The following EGFR variants were observed in gnomAD, a reference collection of about 807,000 sequenced individuals.
The protein encoded by EGFR is epidermal growth factor receptor.
In EGFR, 58 loss-of-function variants were observed where a neutral mutation model predicts 143.0. The observed-to-expected ratio is 0.41, with a 90% CI of 0.33 to 0.50. The LOEUF (loss-of-function observed/expected upper bound fraction) is 0.50. Among genes scored for constraint, EGFR ranks in the 20% least tolerant of loss-of-function variants. The pLI is 0.39. For synonymous variants in EGFR, 613 were observed against 594.4 expected, an observed-to-expected ratio of 1.03 and a Z score of -0.45; for missense variants, 1,307 against 1,579.0, an observed-to-expected ratio of 0.83 and a Z score of 2.92.
chr7:55,090,899 C>T (rs1032146740), intron 1 of EGFR, among the ~76,000 whole-genome samples: 74 of 152,276 alleles, frequency 4.9e-4, no homozygotes, highest in African/African-American at 1.7e-3. Context: ...TTGATGGACC[C>T]AACCTATATT....
chr7:55,161,146 G>T (rs1055057732), intron 12 of EGFR, among the ~76,000 whole-genome samples: 1 of 152,238 alleles, frequency 6.6e-6, no homozygotes. Context: ...GGCCGTGGGA[G>T]CACAGAAAAC....
chr7:55,088,748 G>A (rs551135568), intron 1 of EGFR, among the ~76,000 whole-genome samples: 4 of 152,156 alleles, frequency 2.6e-5, no homozygotes, highest in Non-Finnish European at 4.4e-5. Flanking sequence ...GGAATGAAAG[G>A]CCTTCGCAAT....
chr7:55,065,520 C>G (rs186318723), intron 1 of EGFR, among the ~76,000 whole-genome samples: 9 of 152,276 alleles, frequency 5.9e-5, no homozygotes, highest in Non-Finnish European at 1.2e-4. Flanking sequence ...GCTGGAAAGT[C>G]ACTAAAAACT....
intron 1 of EGFR, among the ~76,000 whole-genome samples, chr7:55,094,646 C>A (rs999917043): frequency 6.6e-6 from 1 of 152,206 alleles, no homozygotes; most frequent in Non-Finnish European, 1.5e-5. Context: ...CTTCTCCTTT[C>A]ACATATGCTG....
chr7:55,057,650 T>C (rs1279006112), intron 1 of EGFR, among the ~76,000 whole-genome samples: 1 of 152,212 alleles, frequency 6.6e-6, no homozygotes, highest in African/African-American at 2.4e-5. Context: ...TCTTTCCTTG[T>C]TTTGGTCACA....
intron 4 of EGFR, among the ~76,000 whole-genome samples, chr7:55,150,041 A>G (rs1794950560): frequency 6.6e-6 from 1 of 152,124 alleles, no homozygotes; most frequent in African/African-American, 2.4e-5. Flanking sequence ...ATGTGCCTGC[A>G]TTTCTTTTTT....
intron 1 of EGFR, among the ~76,000 whole-genome samples, chr7:55,034,379 G>A (rs1787437289): frequency 6.6e-6 from 1 of 152,116 alleles, no homozygotes; most frequent in Admixed American, 6.5e-5. Flanking sequence ...GACTACAGGT[G>A]CCCGCCACCA....
At chr7:55,200,499 G>A (rs2128970207) in intron 24 of EGFR, 86 bp downstream of exon 24, 1 of 1,338,850 alleles carries the variant, frequency 7.5e-7, no homozygotes, top group African/African-American at 1.4e-5. Flanking sequence ...TGCCAGCCTG[G>A]CCTCCCTGTG....
At position 55,180,698 on chromosome 7, in the gene EGFR, C is replaced by T. The variant is rs1014158697; in HGVS notation, c.2284-595C>T. The T allele has an allele frequency of 1.8e-5, 3 of 165,056 alleles. No homozygotes were observed. In the East Asian group the frequency reaches 5.1e-4, roughly 28 times the overall value. 10.2% of individuals were successfully genotyped at this position (165,056 alleles called of 1,614,324 possible). Reference sequence around the variant, plus strand: ...TGCAGAGGTGCTGTGGGCAGGGTCCCCAGCCCAAATGCCCACCCATTTCCC... The same window carrying T: ...TGCAGAGGTGCTGTGGGCAGGGTCCTCAGCCCAAATGCCCACCCATTTCCC... On this transcript the variant is annotated intron_variant, in intron 19 of 27. Coordinates refer to ENST00000275493, the MANE Select transcript of EGFR (RefSeq NM_005228.5).
At chr7:55,148,030 T>C (rs1794858106) in intron 4 of EGFR, among the ~76,000 whole-genome samples, 1 of 152,252 alleles carries the variant, frequency 6.6e-6, no homozygotes, top group Non-Finnish European at 1.5e-5. Flanking sequence ...TCCATTCACC[T>C]ATCTACAGAC....
Position 55,198,534 on chromosome 7 carries a change from C to T in EGFR, c.2702-183C>T, listed in dbSNP as rs10250225. Among the ~76,000 whole-genome samples, 6,426 of 152,294 alleles carry T rather than the reference C, an allele frequency of 0.042. 449 individuals are homozygous for T. The highest frequency in any genetic ancestry group is 0.15 in the African/African-American group (6,036 of 41,534). ...CAGCAATCCTGTGAAACAGATACTGCTATTACCCCACTTTATAGAGAGGTA... is the reference window on the plus strand; with the variant it reads ...CAGCAATCCTGTGAAACAGATACTGTTATTACCCCACTTTATAGAGAGGTA... On this transcript the variant is annotated intron_variant, in intron 22 of 27. Transcript: ENST00000275493.
intron 1 of EGFR, among the ~76,000 whole-genome samples, chr7:55,086,678 G>T (rs1053874992): frequency 6.6e-6 from 1 of 152,222 alleles, no homozygotes; most frequent in Non-Finnish European, 1.5e-5. Flanking sequence ...GCCACGCTTA[G>T]GTCGCTCCCG....
intron 1 of EGFR, among the ~76,000 whole-genome samples, chr7:55,117,787 A>G (rs1213271059): frequency 1.3e-5 from 2 of 152,232 alleles, no homozygotes; most frequent in Non-Finnish European, 2.9e-5. Context: ...TGACACAGTC[A>G]GGGCTGCGGA....
chr7:55,179,407 C>A (rs1786753966), intron 19 of EGFR, among the ~76,000 whole-genome samples: 2 of 152,192 alleles, frequency 1.3e-5, no homozygotes, highest in African/African-American at 4.8e-5. Context: ...CTGCAAGATA[C>A]CAGGAGAGTT....
intron 1 of EGFR, among the ~76,000 whole-genome samples, chr7:55,078,881 A>G (rs1202436665): frequency 6.6e-6 from 1 of 151,478 alleles, no homozygotes; most frequent in Non-Finnish European, 1.5e-5. Context: ...TGCAGCCCCC[A>G]CTCCCCTGTC....
chr7:55,136,270 C>T (rs375543735), intron 1 of EGFR, among the ~76,000 whole-genome samples: 33 of 152,190 alleles, frequency 2.2e-4, no homozygotes, highest in African/African-American at 5.8e-4. Context: ...AGCAAGAAAG[C>T]GGGAAAAAAA....
At chr7:55,088,603 G>A (rs1790908536) in intron 1 of EGFR, among the ~76,000 whole-genome samples, 1 of 152,218 alleles carries the variant, frequency 6.6e-6, no homozygotes, top group Admixed American at 6.5e-5. Flanking sequence ...AATTACAGGG[G>A]AGTTCCTCTG....
intron 1 of EGFR, among the ~76,000 whole-genome samples, chr7:55,075,775 AT>A (rs556986910): frequency 4.0e-5 from 6 of 151,168 alleles, no homozygotes; most frequent in African/African-American, 9.7e-5. Context: ...GGAACTCTTT[AT>A]TTTTTTTTCA....
intron 13 of EGFR, among the ~76,000 whole-genome samples, chr7:55,162,226 A>G (rs550071324): frequency 6.6e-6 from 1 of 152,404 alleles, no homozygotes; most frequent in East Asian, 1.9e-4. Context: ...GCTTTGAACG[A>G]CAAATGAGGA....
Sources: allele counts gnomAD v4.1 joint callset (sites outside exome capture counted in the v4.1 genomes callset), GRCh38; gene constraint gnomAD v4.1.1; transcripts MANE v1.5; gene names NCBI Gene and HGNC (gene_info 2026-07-23, HGNC 2026-07-21).